Variants in CDH18 observed in about 807,000 individuals in gnomAD.
CDH18 encodes cadherin 18, also known as cadherin-18.
A neutral mutation model predicts 67.9 loss-of-function variants in CDH18; 31 were observed. The observed-to-expected ratio is 0.46, with a 90% CI of 0.34 to 0.62. The LOEUF (loss-of-function observed/expected upper bound fraction) is 0.62, where lower values mean the gene tolerates loss of function less well. Among genes scored for constraint, CDH18 ranks in the 20% least tolerant of loss-of-function variants. CDH18 has a pLI of 0.01. For synonymous variants in CDH18, 362 were observed against 347.2 expected (o/e 1.04, Z -0.48); for missense variants, 890 against 975.5 (o/e 0.91, Z 1.17).
intron 12 of CDH18, among the ~76,000 whole-genome samples, chr5:19,475,796 A>C (rs998947067): frequency 4.6e-5 from 7 of 152,162 alleles, no homozygotes; most frequent in African/African-American, 1.2e-4. Flanking sequence ...CTTGATTATA[A>C]GTGAACTTGA....
intron 6 of CDH18, among the ~76,000 whole-genome samples, chr5:19,601,020 GC>G (rs2150065852): frequency 6.6e-6 from 1 of 152,266 alleles, no homozygotes; most frequent in South Asian, 2.1e-4. Flanking sequence ...ACTTATAAAA[GC>G]TCTTGGAAAT....
intron 2 of CDH18, among the ~76,000 whole-genome samples, chr5:19,973,869 T>G (rs915190546): frequency 2.0e-5 from 3 of 152,068 alleles, no homozygotes; most frequent in Non-Finnish European, 4.4e-5. Context: ...CCCCCTGTTT[T>G]TCATATTGGG....
At chr5:20,363,898 C>T (rs10473391) in intron 1 of CDH18, among the ~76,000 whole-genome samples, 31,655 of 151,934 alleles carry the variant, frequency 0.21, 3,515 homozygotes, top group East Asian at 0.3. Flanking sequence ...CTTTGTAACA[C>T]CATGAGTCAG....
intron 1 of CDH18, among the ~76,000 whole-genome samples, chr5:20,440,173 T>C (rs1449059328): frequency 6.6e-6 from 1 of 151,858 alleles, no homozygotes; most frequent in East Asian, 1.9e-4. Flanking sequence ...GACAATATAA[T>C]ACAGAATTAG....
chr5:20,516,034 A>C (rs184054201), intron 1 of CDH18, among the ~76,000 whole-genome samples: 204 of 152,158 alleles, frequency 1.3e-3, no homozygotes, highest in African/African-American at 4.6e-3. Context: ...TAATGGGCTC[A>C]ATAGAACTCA....
intron 2 of CDH18, among the ~76,000 whole-genome samples, chr5:20,238,105 G>A (rs1742615486): frequency 6.6e-6 from 1 of 151,836 alleles, no homozygotes; most frequent in Non-Finnish European, 1.5e-5. Context: ...TCTATATCTT[G>A]AACCTTACAA....
intron 3 of CDH18, among the ~76,000 whole-genome samples, chr5:19,834,546 T>C (rs1169471760): frequency 6.6e-6 from 1 of 152,120 alleles, no homozygotes. Flanking sequence ...TGATCTTAGT[T>C]ATTTCTTGTC....
chr5:20,492,579 A>G (rs1753659270), intron 1 of CDH18, among the ~76,000 whole-genome samples: 2 of 152,170 alleles, frequency 1.3e-5, no homozygotes, highest in Admixed American at 1.3e-4. Flanking sequence ...TTTATGTGGA[A>G]GTAACTTTGT....
chr5:20,396,153 G>A (rs2150122745), intron 1 of CDH18, among the ~76,000 whole-genome samples: 1 of 152,224 alleles, frequency 6.6e-6, no homozygotes, highest in African/African-American at 2.4e-5. Flanking sequence ...TCACAACCTG[G>A]GACTTGTGAT....
At chr5:20,365,342 T>C (rs952189501) in intron 1 of CDH18, among the ~76,000 whole-genome samples, 1 of 152,104 alleles carries the variant, frequency 6.6e-6, no homozygotes, top group African/African-American at 2.4e-5. Context: ...CATCTCCAAA[T>C]ACCATCACAT....
At chr5:19,884,823 CACTCTT>C (rs1394462599) in intron 2 of CDH18, among the ~76,000 whole-genome samples, 1 of 151,960 alleles carries the variant, frequency 6.6e-6, no homozygotes, top group Non-Finnish European at 1.5e-5. Flanking sequence ...TTTAAACAGT[CACTCTT>C]TCTCTTTCCA....
chr5:19,747,282 C>T (rs989227779), intron 3 of CDH18, 46 bp from the exon 4 acceptor site: 1 of 1,483,620 alleles, frequency 6.7e-7, no homozygotes, highest in Non-Finnish European at 9.3e-7. Context: ...TATATTCCAA[C>T]CTCACATTAT....
At chr5:20,397,373 C>A (rs1178441489) in intron 1 of CDH18, among the ~76,000 whole-genome samples, 1 of 152,042 alleles carries the variant, frequency 6.6e-6, no homozygotes, top group Non-Finnish European at 1.5e-5. Flanking sequence ...CTCAAGTGAT[C>A]CACTCCCCTT....
At chr5:20,424,817 A>G (rs1339398950) in intron 1 of CDH18, among the ~76,000 whole-genome samples, 1 of 149,664 alleles carries the variant, frequency 6.7e-6, no homozygotes, top group Non-Finnish European at 1.5e-5. Flanking sequence ...AGACACTAGG[A>G]AAAACAAGAG....
intron 1 of CDH18, among the ~76,000 whole-genome samples, chr5:20,313,949 A>G (rs1043755430): frequency 1.3e-5 from 2 of 152,014 alleles, no homozygotes; most frequent in African/African-American, 4.8e-5. Context: ...ATATTTTGAC[A>G]GGCACTCTGA....
intron 1 of CDH18, among the ~76,000 whole-genome samples, chr5:20,375,457 T>A (rs931555407): frequency 1.3e-5 from 2 of 152,048 alleles, no homozygotes; most frequent in Non-Finnish European, 2.9e-5. Context: ...TAGAAAGTGG[T>A]GGTGGGGGGC....
chr5:19,536,978 G>A (rs906623660), intron 9 of CDH18, among the ~76,000 whole-genome samples: 4 of 152,150 alleles, frequency 2.6e-5, no homozygotes, highest in African/African-American at 7.2e-5. Context: ...TCAGATAACG[G>A]TGCAAATGAT....
At chr5:19,703,884 A>T (rs551281399) in intron 5 of CDH18, among the ~76,000 whole-genome samples, 46 of 152,332 alleles carry the variant, frequency 3.0e-4, no homozygotes, top group Middle Eastern at 3.4e-3. Flanking sequence ...CAGTCAGATG[A>T]TGCCAGCAGG....
At chr5:19,671,424 G>A (rs978635046) in intron 5 of CDH18, among the ~76,000 whole-genome samples, 16 of 152,068 alleles carry the variant, frequency 1.1e-4, no homozygotes, top group African/African-American at 3.9e-4. Context: ...GTTAAAAGAT[G>A]CTTTTTCATT....
Sources: allele counts gnomAD v4.1 joint callset (sites outside exome capture counted in the v4.1 genomes callset), GRCh38; gene constraint gnomAD v4.1.1; transcripts MANE v1.5; gene names NCBI Gene and HGNC (gene_info 2026-07-23, HGNC 2026-07-21).